Variants in SLC6A17 observed in about 807,000 individuals in gnomAD.
The protein encoded by SLC6A17 is solute carrier family 6 member 17.
SLC6A17 carries 21 observed loss-of-function variants against 64.5 expected under a neutral mutation model. The observed-to-expected ratio is 0.33, with a 90% CI of 0.23 to 0.47. The LOEUF is 0.47. Among genes scored for constraint, SLC6A17 ranks in the 20% least tolerant of loss-of-function variants. The pLI is 1.00. For synonymous variants in SLC6A17, 372 were observed against 399.5 expected, an observed-to-expected ratio of 0.93 and a Z score of 0.82; for missense variants, 682 against 963.2, an observed-to-expected ratio of 0.71 and a Z score of 3.86.
rs928314713 is a variant in SLC6A17 at position 110,202,122 on chromosome 1, G to A, written c.*3678G>A. ...GGTCAAAACCACTCAGCCCAGGGGA[G>A]GGGATGAGGCATTGTCACCCTAGAC... On this transcript the variant is annotated 3_prime_UTR_variant, in exon 12 of 12. Transcript: ENST00000331565. 1.3e-5 allele frequency: 2 copies of A among 152,298 alleles called. No homozygotes were observed. The highest frequency in any genetic ancestry group is 4.8e-5 in the African/African-American group (2 of 41,450). 9.4% of individuals were successfully genotyped at this position (152,298 alleles called of 1,614,324 possible).
rs1482550280 is a variant in SLC6A17, at chr1:110,193,981, G to A, written c.1300-598G>A. On this transcript the variant is annotated intron_variant, in intron 8 of 11. Coordinates refer to ENST00000331565, the MANE Select transcript of SLC6A17 (RefSeq NM_001010898.4). ...GTGTGGTCACCTGACCCACAAGCAT[G>A]GCCCAAGCATTAAAGCAGTGATTCT... is the stretch of plus-strand genomic sequence containing the variant. Among the ~76,000 whole-genome samples, 8 of 152,304 alleles carry A rather than the reference G, an allele frequency of 5.3e-5. No individual in the cohort carries two copies. The South Asian group carries it at 1.2e-3, about 24-fold the overall frequency.
At chr1:110,177,751 A>G (rs1395513766) in intron 6 of SLC6A17, 2 of 152,292 alleles carry the variant, frequency 1.3e-5, no homozygotes, top group African/African-American at 4.8e-5. Context: ...GTGTGTACAC[A>G]CACACACCCC....
At chr1:110,152,554 G>T (rs75735180) in intron 1 of SLC6A17, among the ~76,000 whole-genome samples, 3 of 152,172 alleles carry the variant, frequency 2.0e-5, no homozygotes, top group African/African-American at 7.2e-5. Context: ...GTTGAGCAAG[G>T]GTCCTGGAGC....
At chr1:110,157,745 C>G (rs1384389764) in intron 1 of SLC6A17, among the ~76,000 whole-genome samples, 1 of 152,164 alleles carries the variant, frequency 6.6e-6, no homozygotes, top group East Asian at 1.9e-4. Context: ...CTTCCTAGCC[C>G]AGCACCTCCC....
At chr1:110,154,809 A>T (rs1045691327) in intron 1 of SLC6A17, among the ~76,000 whole-genome samples, 4 of 152,208 alleles carry the variant, frequency 2.6e-5, no homozygotes, top group Non-Finnish European at 5.9e-5. Context: ...AGTGTATGCC[A>T]GGGATTTGTA....
rs1557844307 is a variant in SLC6A17 at position 110,200,388 on chromosome 1, A to G, written c.*1944A>G. 1 of 312,886 alleles carries G rather than the reference A, an allele frequency of 3.2e-6. No individual in the cohort carries two copies. Among genetic ancestry groups the G allele is most frequent in the East Asian group, 5.1e-5 (1 of 19,790 alleles). 19.4% of individuals were successfully genotyped at this position (312,886 alleles called of 1,614,324 possible). On this transcript the variant is annotated 3_prime_UTR_variant, in exon 12 of 12. Coordinates refer to ENST00000331565, the MANE Select transcript of SLC6A17 (RefSeq NM_001010898.4). ...ACCGCAGTCCCCCTCACCCGACAACACCTCCTACCTGGCCCCTTGCCAAAT... is the reference window on the plus strand; with the variant it reads ...ACCGCAGTCCCCCTCACCCGACAACGCCTCCTACCTGGCCCCTTGCCAAAT...
At chr1:110,153,228 G>T (rs1320167416) in intron 1 of SLC6A17, among the ~76,000 whole-genome samples, 3 of 152,090 alleles carry the variant, frequency 2.0e-5, no homozygotes, top group Admixed American at 2.0e-4. Context: ...ACTTCTCTTT[G>T]TTCAGGTCTT....
intron 6 of SLC6A17, among the ~76,000 whole-genome samples, chr1:110,180,792 C>T (rs894727010): frequency 1.3e-5 from 2 of 152,074 alleles, no homozygotes; most frequent in African/African-American, 4.8e-5. Flanking sequence ...ATATAAATGA[C>T]ATCCCCAGGG....
chr1:110,161,571 A>G (rs1655910461), intron 1 of SLC6A17, among the ~76,000 whole-genome samples: 1 of 152,108 alleles, frequency 6.6e-6, no homozygotes, highest in South Asian at 2.1e-4. Context: ...GGTCGTTGTA[A>G]TTAGGTGACT....
intron 5 of SLC6A17, 131 bp downstream of exon 5, chr1:110,175,091 G>A (rs1656339589): frequency 2.6e-6 from 3 of 1,170,428 alleles, no homozygotes; most frequent in Admixed American, 5.7e-5. Context: ...CCAGAGGAGG[G>A]TGTGGAAGTA....
Position 110,170,352 on chromosome 1 carries a change from C to T in SLC6A17, c.287-1708C>T, listed in dbSNP as rs539509431. On this transcript the variant is annotated intron_variant, in intron 2 of 11. Coordinates refer to ENST00000331565, the MANE Select transcript of SLC6A17 (RefSeq NM_001010898.4). Reference sequence around the variant, plus strand: ...ACAAAAAATTAGCCGGGCGTGGTGGCGGGCGCCTGTAGACCCAGCTACTCG... The same window carrying T: ...ACAAAAAATTAGCCGGGCGTGGTGGTGGGCGCCTGTAGACCCAGCTACTCG... Among the ~76,000 whole-genome samples, 836 of 152,206 alleles carry T rather than the reference C, an allele frequency of 5.5e-3. 7 individuals are homozygous for T. Among genetic ancestry groups the T allele is most frequent in the African/African-American group, 0.019 (790 of 41,520 alleles).
rs763498406 is a variant in SLC6A17, at chr1:110,174,810, C to A, written c.603C>A (p.Ala201=). 2 of 1,614,064 alleles carry A rather than the reference C, an allele frequency of 1.2e-6. No homozygotes were observed. Among genetic ancestry groups the A allele is most frequent in the Non-Finnish European group, 1.7e-6 (2 of 1,180,022 alleles). ...AGGCAGAGTGTGAAAAGAGCTCAGC[C>A]ACTACCTACTTCTGGTACCGAGAGG... ...VVEAECEKSS[A]TTYFWYREAL... Residue 201 remains alanine, a synonymous_variant, in exon 5 of 12, where the codon GCC becomes GCA. Transcript: ENST00000331565.
chr1:110,199,980 G>C lies in SLC6A17; in HGVS notation c.*1536G>C. The C allele has an allele frequency of 2.5e-6, 1 of 397,684 alleles. No homozygotes were observed. The highest frequency in any genetic ancestry group is 4.4e-6 in the Non-Finnish European group (1 of 225,830). 24.6% of individuals were successfully genotyped at this position (397,684 alleles called of 1,614,324 possible). On this transcript the variant is annotated 3_prime_UTR_variant, in exon 12 of 12. Transcript: ENST00000331565. ...GGATGGATGGATGGACGGATGGGGT[G>C]GGGGAAGGAAGGAAAGGAGGGAGAA...
intron 2 of SLC6A17, 60 bp downstream of exon 2, chr1:110,167,275 A>G (rs1656092850): frequency 3.2e-6 from 5 of 1,549,416 alleles, no homozygotes; most frequent in East Asian, 2.3e-5. Context: ...GATGAGGGGT[A>G]AAAAAGAACA....
At chr1:110,170,846 G>GGTGTGTGTGT (rs113598904) in intron 2 of SLC6A17, among the ~76,000 whole-genome samples, 43 of 150,136 alleles carry the variant, frequency 2.9e-4, no homozygotes, top group African/African-American at 9.5e-4. Flanking sequence ...ACTAGTCTGT[G>GGTGTGTGTGT]GTGTGTGTGT....
At chr1:110,194,053 TA>T (rs749113201) in intron 8 of SLC6A17, among the ~76,000 whole-genome samples, 3 of 151,656 alleles carry the variant, frequency 2.0e-5, no homozygotes, top group African/African-American at 4.8e-5. Flanking sequence ...TTGTTTGTTT[TA>T]AAAAAAAACT....
At chr1:110,160,461 A>C (rs2101839063) in intron 1 of SLC6A17, among the ~76,000 whole-genome samples, 1 of 152,338 alleles carries the variant, frequency 6.6e-6, no homozygotes, top group South Asian at 2.1e-4. Flanking sequence ...TGTGCGAAGC[A>C]CTGGTTGGGT....
At chr1:110,153,223 T>C (rs571250325) in intron 1 of SLC6A17, among the ~76,000 whole-genome samples, 1 of 152,286 alleles carries the variant, frequency 6.6e-6, no homozygotes, top group South Asian at 2.1e-4. Flanking sequence ...GGGTCACTTC[T>C]CTTTGTTCAG....
At chr1:110,197,997 A>G in intron 11 of SLC6A17, 79 bp from the exon 12 acceptor site, 2 of 1,533,704 alleles carry the variant, frequency 1.3e-6, no homozygotes, top group Non-Finnish European at 1.7e-6. Context: ...GGGTGAGGGC[A>G]GGAGAGCAGT....
Sources: gnomAD v4.1 joint callset for allele counts (sites outside exome capture counted in the v4.1 genomes callset) on GRCh38, gnomAD v4.1.1 for gene constraint, MANE v1.5 for transcripts, NCBI Gene and HGNC (gene_info 2026-07-23, HGNC 2026-07-21) for gene names.